TOX: variants seen among roughly 807,000 people sequenced by gnomAD.
TOX encodes thymocyte selection-associated high mobility group box protein TOX.
Under a neutral mutation model 53.7 loss-of-function variants are expected in TOX, and 11 were observed. That is an observed-to-expected ratio of 0.20 (90% CI 0.13 to 0.34). The LOEUF (loss-of-function observed/expected upper bound fraction) is 0.34. Ranked by LOEUF, TOX falls within the 10% of genes least tolerant of loss-of-function variation. TOX has a pLI of 1.00. For missense variants in TOX, 570 were observed against 664.6 expected (o/e 0.86, Z 1.56); for synonymous variants, 225 against 245.3 (o/e 0.92, Z 0.77).
chr8:59,114,627 T>C (rs934498179), intron 1 of TOX, among the ~76,000 whole-genome samples: 2 of 152,164 alleles, frequency 1.3e-5, no homozygotes, highest in Non-Finnish European at 2.9e-5. Flanking sequence ...GTTATGGAGG[T>C]GGATGAAGAA....
At chr8:59,054,840 A>T (rs1056163953) in intron 1 of TOX, among the ~76,000 whole-genome samples, 8 of 151,362 alleles carry the variant, frequency 5.3e-5, no homozygotes, top group African/African-American at 1.9e-4. Context: ...AGAAAGGAAG[A>T]AAGAAAGAAA....
chr8:58,973,395 A>G (rs1410533175), intron 1 of TOX, among the ~76,000 whole-genome samples: 2 of 152,248 alleles, frequency 1.3e-5, no homozygotes, highest in Admixed American at 1.3e-4. Flanking sequence ...CTTTTAAAAA[A>G]CAGTGCCTTT....
intron 1 of TOX, among the ~76,000 whole-genome samples, chr8:58,998,314 C>A (rs1171513043): frequency 6.6e-6 from 1 of 150,536 alleles, no homozygotes; most frequent in Admixed American, 6.6e-5. Context: ...CATGGTGAAA[C>A]CCCACCTCTA....
chr8:59,028,865 G>A (rs1319742184), intron 1 of TOX, among the ~76,000 whole-genome samples: 1 of 152,034 alleles, frequency 6.6e-6, no homozygotes, highest in Non-Finnish European at 1.5e-5. Context: ...GAAACATTAT[G>A]GTAGCTGTAA....
At chr8:59,076,046 G>A (rs951338132) in intron 1 of TOX, among the ~76,000 whole-genome samples, 3 of 151,706 alleles carry the variant, frequency 2.0e-5, no homozygotes, top group Admixed American at 2.0e-4. Context: ...CTACATGAGG[G>A]AGGGAAGGGA....
intron 3 of TOX, among the ~76,000 whole-genome samples, chr8:58,891,992 A>T (rs1216043516): frequency 1.3e-5 from 2 of 152,192 alleles, no homozygotes; most frequent in Non-Finnish European, 1.5e-5. Context: ...ATTCGTATTC[A>T]TAGCATGCTA....
At chr8:58,980,000 A>T (rs1280880119) in intron 1 of TOX, among the ~76,000 whole-genome samples, 1 of 152,186 alleles carries the variant, frequency 6.6e-6, no homozygotes, top group Non-Finnish European at 1.5e-5. Context: ...CCTTTTGGGG[A>T]TGATGAAAAT....
At chr8:59,070,107 AG>A (rs749626402) in intron 1 of TOX, among the ~76,000 whole-genome samples, 91 of 152,274 alleles carry the variant, frequency 6.0e-4, no homozygotes, top group Non-Finnish European at 8.2e-4. Context: ...ATGGGCTAAA[AG>A]TAATAAAGCT....
intron 6 of TOX, among the ~76,000 whole-genome samples, chr8:58,823,862 A>T (rs1353115443): frequency 6.6e-6 from 1 of 152,224 alleles, no homozygotes; most frequent in East Asian, 1.9e-4. Flanking sequence ...TAGTGAAAGG[A>T]TCTATTGGCC....
intron 5 of TOX, among the ~76,000 whole-genome samples, chr8:58,836,696 C>T (rs1810552094): frequency 6.6e-6 from 1 of 152,136 alleles, no homozygotes; most frequent in African/African-American, 2.4e-5. Flanking sequence ...GTTTCCTTAG[C>T]AACTGGTTTT....
chr8:59,029,655 T>G (rs1011163616), intron 1 of TOX, among the ~76,000 whole-genome samples: 19 of 152,248 alleles, frequency 1.2e-4, no homozygotes, highest in African/African-American at 4.6e-4. Context: ...TAAAATGTGG[T>G]AGCAATTTTC....
intron 6 of TOX, among the ~76,000 whole-genome samples, chr8:58,823,844 C>T (rs907707306): frequency 6.6e-6 from 1 of 152,112 alleles, no homozygotes; most frequent in African/African-American, 2.4e-5. Flanking sequence ...TATGACATGG[C>T]CACAAATTAG....
intron 1 of TOX, among the ~76,000 whole-genome samples, chr8:59,051,077 C>A (rs1159106980): frequency 1.3e-5 from 2 of 152,028 alleles, no homozygotes; most frequent in African/African-American, 4.8e-5. Flanking sequence ...TAGATGACTT[C>A]CAGAACACAA....
Position 58,929,383 on chromosome 8 carries a change from C to T in TOX, c.411+9919G>A, listed in dbSNP as rs530250218. On this transcript the variant is annotated intron_variant, in intron 3 of 8. Transcript: ENST00000361421. ...CCTACACAGTGTGTATTGCTGCTGG[C>T]ACAAAGAAGTATATAAATGGCTAAT... 7.3e-5 allele frequency among the ~76,000 whole-genome samples: 11 copies of T among 151,718 alleles called. No individual in the cohort carries two copies. The South Asian group carries it at 2.1e-3, about 29-fold the overall frequency.
intron 3 of TOX, among the ~76,000 whole-genome samples, chr8:58,924,384 A>G (rs1245516543): frequency 6.6e-6 from 1 of 152,238 alleles, no homozygotes; most frequent in South Asian, 2.1e-4. Context: ...CACCATCTGC[A>G]GGATATTGTC....
Position 58,969,572 on chromosome 8 carries a change from T to C in TOX, c.103-9564A>G, listed in dbSNP as rs540420891. Among the ~76,000 whole-genome samples the C allele has an allele frequency of 4.6e-5, 7 of 152,354 alleles. No individual in the cohort carries two copies. In the South Asian group the frequency reaches 1.4e-3, roughly 32 times the overall value. On this transcript the variant is annotated intron_variant, in intron 1 of 8. Transcript: ENST00000361421. ...TTTATCTAAATTTTTATGAAGATTA[T>C]AGAATAATTTTCATTGCTTTAGTTT...
chr8:59,020,643 A>G (rs1328919379), intron 1 of TOX, among the ~76,000 whole-genome samples: 2 of 152,162 alleles, frequency 1.3e-5, no homozygotes, highest in African/African-American at 4.8e-5. Flanking sequence ...ATACTTTTAC[A>G]TTGCATGATC....
At chr8:58,827,383 G>A (rs1185768198) in intron 5 of TOX, among the ~76,000 whole-genome samples, 5 of 152,146 alleles carry the variant, frequency 3.3e-5, no homozygotes, top group Non-Finnish European at 7.4e-5. Flanking sequence ...GAAACAGAAG[G>A]GAGAGTGCAG....
chr8:58,889,086 A>G (rs963430462), intron 3 of TOX, among the ~76,000 whole-genome samples: 7 of 152,052 alleles, frequency 4.6e-5, no homozygotes, highest in Admixed American at 4.6e-4. Flanking sequence ...CATGCAGAGT[A>G]CAATTTGGCA....
Sources: gnomAD v4.1 joint callset for allele counts (sites outside exome capture counted in the v4.1 genomes callset) on GRCh38, gnomAD v4.1.1 for gene constraint, MANE v1.5 for transcripts, NCBI Gene and HGNC (gene_info 2026-07-23, HGNC 2026-07-21) for gene names.